CLNS1A: variants seen among roughly 807,000 people sequenced by gnomAD.
CLNS1A encodes chloride nucleotide-sensitive channel 1A.
In CLNS1A, 16 loss-of-function variants were observed where a neutral mutation model predicts 29.4. The observed-to-expected ratio is 0.54, with a 90% confidence interval of 0.37 to 0.83. The LOEUF is 0.83. Among genes scored for constraint, CLNS1A ranks in the 40% least tolerant of loss-of-function variants. The pLI is 0.00. For synonymous variants in CLNS1A, 96 were observed against 104.8 expected (o/e 0.92, Z 0.51); for missense variants, 235 against 287.4 (o/e 0.82, Z 1.32).
chr11:77,622,658 TC>T lies in CLNS1A; in HGVS notation c.487del (p.Asp163ThrfsTer15). The T allele has an allele frequency of 1.3e-6, 2 of 1,591,724 alleles. No individual in the cohort carries two copies. The highest frequency in any genetic ancestry group is 1.7e-6 in the Non-Finnish European group (2 of 1,173,748). ...TTCATAGGTGTAAAATGTAGGGATGTCCCCCTGTCCTTGTTCTAAACAAACA... is the reference window on the plus strand; with the variant it reads ...TTCATAGGTGTAAAATGTAGGGATGTCCCCTGTCCTTGTTCTAAACAAACA... The part of the protein sequence containing the change: ...DVEAHEQGQG[D>X]IPTFYTYEEG... On this transcript the variant is annotated frameshift_variant, in exon 5 of 7. Coordinates refer to ENST00000525428, the MANE Select transcript of CLNS1A (RefSeq NM_001293.3). LOFTEE classifies it high-confidence loss of function.
chr11:77,622,333 TA>T, intron 5 of CLNS1A, 166 bp downstream of exon 5: 1 of 637,286 alleles, frequency 1.6e-6, no homozygotes, highest in African/African-American at 1.8e-5. Context: ...AAAAAATCAC[TA>T]AAAACAAATG....
intron 1 of CLNS1A, among the ~76,000 whole-genome samples, chr11:77,633,825 G>T (rs965046720): frequency 2.6e-5 from 4 of 152,060 alleles, no homozygotes; most frequent in African/African-American, 7.2e-5. Flanking sequence ...TCCTGGCCGG[G>T]TGCAGTGGCT....
chr11:77,623,636 G>A (rs1850348094), intron 4 of CLNS1A, among the ~76,000 whole-genome samples: 1 of 151,478 alleles, frequency 6.6e-6, no homozygotes, highest in South Asian at 2.1e-4. Context: ...CAAAAAGGAT[G>A]AAAAATTTTA....
At chr11:77,619,874 C>A (rs767194166) in intron 5 of CLNS1A, among the ~76,000 whole-genome samples, 179 bp from the exon 6 acceptor site, 4 of 152,146 alleles carry the variant, frequency 2.6e-5, no homozygotes, top group Non-Finnish European at 4.4e-5. Flanking sequence ...GGGATTTAGG[C>A]CACATCAAAA....
chr11:77,636,297 G>A (rs926925476), intron 1 of CLNS1A, among the ~76,000 whole-genome samples: 1 of 151,906 alleles, frequency 6.6e-6, no homozygotes, highest in Non-Finnish European at 1.5e-5. Context: ...CAAACTCCTG[G>A]GCTCAAGCGA....
Position 77,624,990 on chromosome 11 carries a change from C to T in CLNS1A, c.445G>A (p.Gly149Arg), listed in dbSNP as rs1333974957. ...PEDEDSDDYD[G>R]EEYDVEAHEQ... Reference sequence around the variant, plus strand: ...TGTGCTTCCACATCATATTCTTCTCCATCGTAGTCATCTGAATCCTCATCC... The same window carrying T: ...TGTGCTTCCACATCATATTCTTCTCTATCGTAGTCATCTGAATCCTCATCC... Residue 149 changes from glycine to arginine, a missense_variant, in exon 4 of 7, where the codon GGA (glycine) becomes AGA (arginine). By Grantham distance (125) the Gly-to-Arg change is moderately radical. Coordinates refer to ENST00000525428, the MANE Select transcript of CLNS1A (RefSeq NM_001293.3). 5 of 1,613,118 alleles carry T rather than the reference C, an allele frequency of 3.1e-6. No homozygotes were observed. In the African/African-American group the frequency reaches 4.0e-5, roughly 13 times the overall value.
chr11:77,626,135 A>G (rs1369964382), intron 2 of CLNS1A, among the ~76,000 whole-genome samples: 2 of 152,030 alleles, frequency 1.3e-5, no homozygotes, highest in Non-Finnish European at 2.9e-5. Flanking sequence ...TTTTTCTGAG[A>G]CTGGGACTTG....
chr11:77,615,731 G>A lies in CLNS1A; in HGVS notation c.*987C>T, dbSNP rs1202675644. On this transcript the variant is annotated 3_prime_UTR_variant, in exon 7 of 7. Coordinates refer to ENST00000525428, the MANE Select transcript of CLNS1A (RefSeq NM_001293.3). Reference sequence around the variant, plus strand: ...AGTGACAGTGCTGAAATGAACACTGGGCTGAGTGGTACCAAACATCAGTTT... The same window carrying A: ...AGTGACAGTGCTGAAATGAACACTGAGCTGAGTGGTACCAAACATCAGTTT... 1.3e-5 allele frequency: 2 copies of A among 152,064 alleles called. No homozygotes were observed. Among genetic ancestry groups the A allele is most frequent in the African/African-American group, 4.8e-5 (2 of 41,406 alleles). 9.4% of individuals were successfully genotyped at this position (152,064 alleles called of 1,614,324 possible). A position where few individuals can be genotyped will look rare whatever the true frequency, so the allele number is the denominator to read the frequency against.
intron 5 of CLNS1A, among the ~76,000 whole-genome samples, chr11:77,620,360 G>A (rs1269063862): frequency 6.6e-6 from 1 of 152,188 alleles, no homozygotes; most frequent in Non-Finnish European, 1.5e-5. Flanking sequence ...GATGTGATTT[G>A]CTCCTCGTCT....
At chr11:77,628,104 T>G (rs7934977) in intron 2 of CLNS1A, among the ~76,000 whole-genome samples, 67,305 of 152,040 alleles carry the variant, frequency 0.44, 15,747 homozygotes, top group African/African-American at 0.59. Flanking sequence ...GATTACAGGT[T>G]TGAGCCACTG....
At chr11:77,624,235 A>G (rs1408112356) in intron 4 of CLNS1A, among the ~76,000 whole-genome samples, 5 of 152,212 alleles carry the variant, frequency 3.3e-5, no homozygotes, top group Non-Finnish European at 7.3e-5. Flanking sequence ...ACTGCACACC[A>G]GCCTGGGCAT....
At chr11:77,622,422 A>G in intron 5 of CLNS1A, 78 bp downstream of exon 5, 1 of 1,074,346 alleles carries the variant, frequency 9.3e-7, no homozygotes, top group Non-Finnish European at 1.3e-6. Context: ...CTTAGTTATT[A>G]AAAGAACTTC....
At chr11:77,621,706 A>G (rs1958959996) in intron 5 of CLNS1A, among the ~76,000 whole-genome samples, 1 of 152,252 alleles carries the variant, frequency 6.6e-6, no homozygotes, top group African/African-American at 2.4e-5. Context: ...AATGGTGTCC[A>G]GATAGTTGGT....
chr11:77,615,435 T>G lies in CLNS1A; in HGVS notation c.*1283A>C, dbSNP rs1304163521. On this transcript the variant is annotated 3_prime_UTR_variant, in exon 7 of 7. Coordinates refer to ENST00000525428, the MANE Select transcript of CLNS1A (RefSeq NM_001293.3). ...ATCACAATTCACTATCTACATGACC[T>G]TAAGCAAGTTATTTTACCTCTCTCT... The G allele has an allele frequency of 6.6e-6, 1 of 152,180 alleles. No homozygotes were observed. The highest frequency in any genetic ancestry group is 1.5e-5 in the Non-Finnish European group (1 of 68,040). The allele number at this position is 152,180 out of a possible 1,614,324, so 9.4% of individuals were successfully genotyped here.
intron 6 of CLNS1A, among the ~76,000 whole-genome samples, chr11:77,617,190 G>C (rs1958912402): frequency 6.6e-6 from 1 of 151,876 alleles, no homozygotes; most frequent in Non-Finnish European, 1.5e-5. Flanking sequence ...CAAACATGGA[G>C]AAACACTGTC....
At chr11:77,622,446 T>C in intron 5 of CLNS1A, 54 bp downstream of exon 5, 2 of 1,363,776 alleles carry the variant, frequency 1.5e-6, no homozygotes, top group Non-Finnish European at 2.0e-6. Context: ...TGACTATCCA[T>C]AACTTATTGC....
At chr11:77,629,149 G>C (rs761575443) in intron 2 of CLNS1A, among the ~76,000 whole-genome samples, 6 of 152,118 alleles carry the variant, frequency 3.9e-5, no homozygotes, top group Non-Finnish European at 8.8e-5. Flanking sequence ...GCCCCTAAGG[G>C]TGCCTTTTAA....
rs149506708 is a variant in CLNS1A, at chr11:77,619,506, A to G, written c.*22+100T>C. The stretch of plus-strand genomic sequence containing the variant: ...GCCACTGCACTCTAGCCTGGGTGAC[A>G]GAGTAAGACCCTGTCTCAAGAAAGA... On this transcript the variant is annotated intron_variant, in intron 6 of 6. Transcript: ENST00000525428. 1.1e-3 allele frequency: 878 copies of G among 792,306 alleles called. 13 individuals carry two copies. The East Asian group carries it at 0.021, about 19-fold the overall frequency. 49.1% of individuals were successfully genotyped at this position (792,306 alleles called of 1,614,324 possible).
chr11:77,628,549 T>C (rs778212777), intron 2 of CLNS1A, among the ~76,000 whole-genome samples: 4 of 152,190 alleles, frequency 2.6e-5, no homozygotes, highest in Non-Finnish European at 4.4e-5. Flanking sequence ...ATAACAAAAA[T>C]ATTTTCAGAT....
Sources: gnomAD v4.1 joint callset for allele counts (sites outside exome capture counted in the v4.1 genomes callset) on GRCh38, gnomAD v4.1.1 for gene constraint, MANE v1.5 for transcripts, NCBI Gene and HGNC (gene_info 2026-07-23, HGNC 2026-07-21) for gene names.